The following NHSL1 variants were observed in gnomAD, a reference collection of about 807,000 sequenced individuals.
NHSL1 encodes NHS like 1.
Under a neutral mutation model 95.0 loss-of-function variants are expected in NHSL1, and 48 were observed. The ratio of observed to expected loss-of-function variants is 0.51; its 90% CI spans 0.40 to 0.64. The LOEUF is 0.64. Among genes scored for constraint, NHSL1 ranks in the 30% least tolerant of loss-of-function variants. The probability of loss-of-function intolerance (pLI) is 0.00; values close to 1 mark genes in which losing one functional copy is unlikely to be tolerated. For missense variants in NHSL1, 1,971 were observed against 2,077.7 expected (o/e 0.95, Z 1.00); for synonymous variants, 783 against 833.9 (o/e 0.94, Z 1.05).
intron 1 of NHSL1, among the ~76,000 whole-genome samples, chr6:138,543,972 A>G (rs990672379): frequency 6.6e-6 from 1 of 152,212 alleles, no homozygotes; most frequent in African/African-American, 2.4e-5. Context: ...TTGAGTTTTT[A>G]AAATTTTCTG....
At chr6:138,479,423 C>T (rs994053160) in intron 2 of NHSL1, among the ~76,000 whole-genome samples, 17 of 152,164 alleles carry the variant, frequency 1.1e-4, no homozygotes, top group African/African-American at 4.1e-4. Context: ...GACTTGAATA[C>T]AAGCACTGAG....
At chr6:138,559,221 T>C (rs1447286149) in intron 1 of NHSL1, among the ~76,000 whole-genome samples, 3 of 152,224 alleles carry the variant, frequency 2.0e-5, no homozygotes, top group Admixed American at 6.5e-5. Flanking sequence ...GGCTGGTAAA[T>C]AAAGACAGAG....
At chr6:138,564,345 A>T (rs1358919231) in intron 1 of NHSL1, among the ~76,000 whole-genome samples, 2 of 152,058 alleles carry the variant, frequency 1.3e-5, no homozygotes, top group Non-Finnish European at 2.9e-5. Context: ...CCTTTGATCC[A>T]TCACTGTTTT....
chr6:138,673,295 G>A (rs991739582), intron 1 of NHSL1, among the ~76,000 whole-genome samples: 2 of 151,006 alleles, frequency 1.3e-5, no homozygotes, highest in African/African-American at 4.9e-5. Context: ...GTGGGCGGGG[G>A]TGAGGGGGCA....
At chr6:138,677,070 ATAAAGCTGAATTAGG>A (rs1785458754) in intron 1 of NHSL1, among the ~76,000 whole-genome samples, 1 of 152,264 alleles carries the variant, frequency 6.6e-6, no homozygotes, top group Non-Finnish European at 1.5e-5. Flanking sequence ...GTAATAAATT[ATAAAGCTGAATTAGG>A]TAAAGCAAAG....
At chr6:138,470,953 G>T (rs1408918619) in intron 3 of NHSL1, among the ~76,000 whole-genome samples, 1 of 152,132 alleles carries the variant, frequency 6.6e-6, no homozygotes, top group Non-Finnish European at 1.5e-5. Flanking sequence ...GGGATGTCAT[G>T]ACATATCACA....
At chr6:138,570,991 G>T (rs1401505168) in intron 1 of NHSL1, among the ~76,000 whole-genome samples, 6 of 152,230 alleles carry the variant, frequency 3.9e-5, no homozygotes, top group African/African-American at 1.2e-4. Flanking sequence ...AAATAGGGGT[G>T]TGTTAAGAAA....
intron 1 of NHSL1, among the ~76,000 whole-genome samples, chr6:138,618,210 C>T (rs749139072): frequency 3.9e-5 from 6 of 152,210 alleles, no homozygotes; most frequent in Admixed American, 6.5e-5. Flanking sequence ...CAAGGCTATA[C>T]ATCAGCTACC....
At chr6:138,542,251 G>A (rs572258882) in intron 1 of NHSL1, among the ~76,000 whole-genome samples, 1 of 152,272 alleles carries the variant, frequency 6.6e-6, no homozygotes, top group African/African-American at 2.4e-5. Context: ...AGTGGAAGAG[G>A]CAAGGAAGAG....
At chr6:138,505,172 C>T (rs1001828909) in intron 1 of NHSL1, among the ~76,000 whole-genome samples, 1 of 152,134 alleles carries the variant, frequency 6.6e-6, no homozygotes, top group Non-Finnish European at 1.5e-5. Context: ...CTCAGTGTAT[C>T]AAATGCAGTT....
Position 138,499,419 on chromosome 6 carries a change from A to G in NHSL1, c.-129T>C. The G allele has an allele frequency of 6.9e-7, 1 of 1,459,274 alleles. No individual in the cohort carries two copies. Among genetic ancestry groups the G allele is most frequent in the Non-Finnish European group, 9.1e-7 (1 of 1,099,618 alleles). The allele number at this position is 1,459,274 out of a possible 1,614,324, so 90.4% of individuals were successfully genotyped here. A position where few individuals can be genotyped will look rare whatever the true frequency, so the allele number is the denominator to read the frequency against. On this transcript the variant is annotated 5_prime_UTR_variant, in exon 1 of 8. Coordinates refer to ENST00000343505, the MANE Select transcript of NHSL1 (RefSeq NM_001144060.2). ...TCTTCCCCCGGTCTCATATCCTTAG[A>G]CATCTGCCCAGGCTGATGTAACTGA...
chr6:138,691,712 G>A (rs902570708), intron 1 of NHSL1: 8 of 341,294 alleles, frequency 2.3e-5, no homozygotes, highest in Non-Finnish European at 4.7e-5. Flanking sequence ...AATTCCAGTT[G>A]CTTCATTCAC....
Position 138,552,078 on chromosome 6 carries a change from T to A in NHSL1, c.202+19632A>T, listed in dbSNP as rs1311469044. Among the ~76,000 whole-genome samples, 3 of 152,312 alleles carry A rather than the reference T, an allele frequency of 2.0e-5. No homozygotes were observed. In the East Asian group the frequency reaches 5.8e-4, roughly 29 times the overall value. ...GGGTAGACACATTCACATCACTGTA[T>A]TTCCTCCCTGAATCATGGGAGCTCT... On this transcript the variant is annotated intron_variant, in intron 1 of 6. Transcript: ENST00000427025.
chr6:138,462,064 G>A (rs1405394588), intron 3 of NHSL1, among the ~76,000 whole-genome samples: 3 of 152,170 alleles, frequency 2.0e-5, no homozygotes, highest in Non-Finnish European at 2.9e-5. Flanking sequence ...GATGGGTTTG[G>A]TGATGAAAAG....
At position 138,499,377 on chromosome 6, in the gene NHSL1, T is replaced by C; in HGVS notation, c.-87A>G. The stretch of plus-strand genomic sequence containing the variant: ...CAGGTGGCAAGCTTCGTCCTTCTGC[T>C]ACAGATTCTAACTTTTTCTTCCCCC... On this transcript the variant is annotated 5_prime_UTR_variant, in exon 1 of 8. Transcript: ENST00000343505. 6.6e-7 allele frequency: 1 copy of C among 1,522,090 alleles called. No homozygotes were observed. Among genetic ancestry groups the C allele is most frequent in the Non-Finnish European group, 8.8e-7 (1 of 1,132,024 alleles). The allele number at this position is 1,522,090 out of a possible 1,614,324, so 94.3% of individuals were successfully genotyped here.
At chr6:138,535,494 G>C (rs964236367) in intron 1 of NHSL1, among the ~76,000 whole-genome samples, 2 of 152,086 alleles carry the variant, frequency 1.3e-5, no homozygotes, top group Admixed American at 6.6e-5. Context: ...AGCCTAAGAG[G>C]TCAAGGCTGC....
At chr6:138,489,844 G>T (rs1365902491) in intron 2 of NHSL1, among the ~76,000 whole-genome samples, 1 of 75,772 alleles carries the variant, frequency 1.3e-5, no homozygotes, top group Non-Finnish European at 2.5e-5. Context: ...GAGAGAGAGA[G>T]GGAGAGAGGG....
At chr6:138,539,190 T>C (rs531038885) in intron 1 of NHSL1, among the ~76,000 whole-genome samples, 2 of 152,326 alleles carry the variant, frequency 1.3e-5, no homozygotes, top group African/African-American at 2.4e-5. Flanking sequence ...AATTGCTACA[T>C]ACGATTTTAT....
intron 1 of NHSL1, chr6:138,650,697 T>C (rs1465263411): frequency 9.1e-6 from 5 of 550,914 alleles, no homozygotes; most frequent in Non-Finnish European, 1.8e-5. Flanking sequence ...ATGCAGGGGG[T>C]GGGTCAACAT....
Sources: gnomAD v4.1 joint callset for allele counts (sites outside exome capture counted in the v4.1 genomes callset) on GRCh38, gnomAD v4.1.1 for gene constraint, MANE v1.5 for transcripts, NCBI Gene and HGNC (gene_info 2026-07-23, HGNC 2026-07-21) for gene names.